SGSM2: variants seen among roughly 807,000 people sequenced by gnomAD.
SGSM2 encodes small G protein signaling modulator 2, also known as RUN and TBC1 domain containing 1.
Under a neutral mutation model 126.6 loss-of-function variants are expected in SGSM2, and 89 were observed. That is an observed-to-expected ratio of 0.70 (90% confidence interval 0.59 to 0.84). The LOEUF (loss-of-function observed/expected upper bound fraction) is 0.84, where lower values mean the gene tolerates loss of function less well. SGSM2 is among the 40% of genes least tolerant of loss of function. SGSM2 has a pLI of 0.00. For synonymous variants in SGSM2, 614 were observed against 574.3 expected, an observed-to-expected ratio of 1.07 and a Z score of -0.99; for missense variants, 1,404 against 1,416.6, an observed-to-expected ratio of 0.99 and a Z score of 0.14.
At chr17:2,358,427 G>A (rs1238100217) in intron 2 of SGSM2, among the ~76,000 whole-genome samples, 1 of 152,218 alleles carries the variant, frequency 6.6e-6, no homozygotes, top group Non-Finnish European at 1.5e-5. Context: ...AGAAGTCTCA[G>A]AGCCAGGCTC....
chr17:2,346,330 G>C lies in SGSM2; in HGVS notation c.133+2710G>C, dbSNP rs188795697. Among the ~76,000 whole-genome samples, 8 of 152,274 alleles carry C rather than the reference G, an allele frequency of 5.3e-5. No homozygotes were observed. In the East Asian group the frequency reaches 1.2e-3, roughly 22 times the overall value. ...CGACCCATGGTTCTTGGCAGAGGAG[G>C]GTTGGGGGTGACTGAGGAGAGCCAG... On this transcript the variant is annotated intron_variant, in intron 2 of 23. Transcript: ENST00000268989.
chr17:2,377,845 CA>C lies in SGSM2; in HGVS notation c.2803-11del. The C allele has an allele frequency of 6.3e-7, 1 of 1,577,144 alleles. No homozygotes were observed. The highest frequency in any genetic ancestry group is 8.7e-7 in the Non-Finnish European group (1 of 1,146,854). On this transcript the variant is annotated splice_polypyrimidine_tract_variant and intron_variant, in intron 21 of 23. Transcript: ENST00000268989. Reference sequence around the variant, plus strand: ...AGGGCTCAGCCTCTCTCCCTTTTCCCACCCACATAAGATCCTGGACTCAGAG... The same window carrying C: ...AGGGCTCAGCCTCTCTCCCTTTTCCCCCCACATAAGATCCTGGACTCAGAG...
At chr17:2,364,474 C>T in intron 8 of SGSM2, 122 bp from the exon 9 acceptor site, 1 of 1,095,128 alleles carries the variant, frequency 9.1e-7, no homozygotes, top group Non-Finnish European at 1.4e-6. Context: ...CTGTGTGCAC[C>T]TCTTGGCTAT....
intron 17 of SGSM2, 29 bp downstream of exon 17, chr17:2,373,542 G>A (rs751547663): frequency 7.0e-6 from 11 of 1,571,402 alleles, no homozygotes; most frequent in South Asian, 1.1e-5. Flanking sequence ...GGAGGGTTGG[G>A]GGTCTCGGGG....
intron 2 of SGSM2, among the ~76,000 whole-genome samples, chr17:2,350,842 A>T (rs1567808316): frequency 6.6e-6 from 1 of 152,210 alleles, no homozygotes; most frequent in Non-Finnish European, 1.5e-5. Context: ...ACCTTGGGAT[A>T]TGCTGTTACT....
chr17:2,371,017 T>C (rs962445963), intron 12 of SGSM2, among the ~76,000 whole-genome samples: 36 of 150,902 alleles, frequency 2.4e-4, no homozygotes, highest in South Asian at 4.2e-4. Context: ...GTCCAAGCAT[T>C]TTACCACATG....
intron 10 of SGSM2, 56 bp from the exon 11 acceptor site, chr17:2,365,159 A>T: frequency 6.3e-7 from 1 of 1,589,636 alleles, no homozygotes; most frequent in Non-Finnish European, 8.6e-7. Context: ...CCTTGTGTGG[A>T]ACCCTGGATG....
intron 11 of SGSM2, among the ~76,000 whole-genome samples, chr17:2,365,897 C>G (rs2065556213): frequency 6.6e-6 from 1 of 152,120 alleles, no homozygotes; most frequent in African/African-American, 2.4e-5. Context: ...AGGCGCACAC[C>G]TCCATGCCCG....
In SGSM2 at chr17:2,361,563, A is replaced by G. The variant is rs114143089; in HGVS notation, c.134-74A>G. ...CCTTACCCCTTGCCTCACCACAGGT[A>G]TGGGGAAGAGGAGCTTTTCTTCCTG... On this transcript the variant is annotated intron_variant, in intron 2 of 23. Transcript: ENST00000268989. The G allele has an allele frequency of 1.1e-3, 1,657 of 1,548,444 alleles. 16 individuals carry two copies. The African/African-American group carries it at 0.02, about 19-fold the overall frequency.
intron 12 of SGSM2, among the ~76,000 whole-genome samples, chr17:2,369,593 T>TA (rs2065766802): frequency 6.6e-6 from 1 of 152,176 alleles, no homozygotes; most frequent in African/African-American, 2.4e-5. Flanking sequence ...TTCAGCTCCT[T>TA]CCTGGAGGAT....
rs1032456666 is a variant in SGSM2, at chr17:2,367,213, C to T, written c.1289-58C>T. On this transcript the variant is annotated intron_variant, in intron 11 of 23. Transcript: ENST00000268989. This position sits in a 1 kb window ranked among gnomAD's most constrained non-coding sequence, Gnocchi z 4.0. ...TTCCACTCCCCTTAAGGAGGGAGTCCGTCCTGCCCAGGGATGAGGGCCTCA... is the reference window on the plus strand; with the variant it reads ...TTCCACTCCCCTTAAGGAGGGAGTCTGTCCTGCCCAGGGATGAGGGCCTCA... 78 of 1,552,326 alleles carry T rather than the reference C, an allele frequency of 5.0e-5. 1 individual carries two copies. In the Admixed American group the frequency reaches 6.7e-4, roughly 13 times the overall value.
At chr17:2,378,186 C>T (rs2066266201) in intron 22 of SGSM2, among the ~76,000 whole-genome samples, 1 of 152,206 alleles carries the variant, frequency 6.6e-6, no homozygotes, top group South Asian at 2.1e-4. Context: ...AAACCCAGCA[C>T]TTTGGGAAGT....
chr17:2,359,726 G>T, intron 2 of SGSM2, among the ~76,000 whole-genome samples: 1 of 152,120 alleles, frequency 6.6e-6, no homozygotes, highest in Admixed American at 6.5e-5. Flanking sequence ...TTTTGCGGTC[G>T]CCTAGGGAAG....
At chr17:2,358,703 C>A (rs1416715844) in intron 2 of SGSM2, among the ~76,000 whole-genome samples, 1 of 134,214 alleles carries the variant, frequency 7.5e-6, no homozygotes, top group East Asian at 3.0e-4. Flanking sequence ...TAGAGTGAGA[C>A]CCGGTCTCAA....
chr17:2,364,529 G>A (rs1010494575), intron 8 of SGSM2, 67 bp from the exon 9 acceptor site: 25 of 1,556,072 alleles, frequency 1.6e-5, no homozygotes, highest in Non-Finnish European at 2.1e-5. Flanking sequence ...GTAGGACCAG[G>A]AGACAAGGAA....
At chr17:2,344,758 G>A (rs1311289700) in intron 2 of SGSM2, among the ~76,000 whole-genome samples, 1 of 152,222 alleles carries the variant, frequency 6.6e-6, no homozygotes, top group Non-Finnish European at 1.5e-5. Context: ...CAGAGTCTGA[G>A]TGACAGACTG....
At position 2,376,749 on chromosome 17, in the gene SGSM2, C is replaced by T; in HGVS notation, c.2626C>T (p.Leu876=). ...GCCTTTCAGCTACGTGTGGGAGCAC[C>T]TGGACGTGGGCTATGTGCAGGGCAT... ...DVMCSYVWEH[L]DVGYVQGMCD... is the part of the protein sequence containing the mutation. Residue 876 remains leucine, a synonymous_variant, in exon 20 of 24, where the codon CTG becomes TTG. Coordinates refer to ENST00000268989, the MANE Select transcript of SGSM2 (RefSeq NM_014853.3). 6.2e-7 allele frequency: 1 copy of T among 1,614,058 alleles called. No individual in the cohort carries two copies. Among genetic ancestry groups the T allele is most frequent in the Non-Finnish European group, 8.5e-7 (1 of 1,180,030 alleles).
chr17:2,377,130 C>T (rs2066204226), intron 21 of SGSM2, 62 bp downstream of exon 21: 1 of 1,003,600 alleles, frequency 1.0e-6, no homozygotes, highest in Non-Finnish European at 1.5e-6. Flanking sequence ...CCATCGTCCA[C>T]ATGGCTAGGG....
chr17:2,338,616 T>G (rs2064196389), intron 1 of SGSM2, among the ~76,000 whole-genome samples: 1 of 152,050 alleles, frequency 6.6e-6, no homozygotes, highest in South Asian at 2.1e-4. Context: ...GTCCACTGCC[T>G]TGTATCCAGT....
Sources: allele counts gnomAD v4.1 joint callset (sites outside exome capture counted in the v4.1 genomes callset), GRCh38; gene constraint gnomAD v4.1.1; non-coding constraint Gnocchi (gnomAD v3.1); transcripts MANE v1.5; gene names NCBI Gene and HGNC (gene_info 2026-07-23, HGNC 2026-07-21).